Variants in COX7A2L observed in about 807,000 individuals in gnomAD.
The protein encoded by COX7A2L is cytochrome c oxidase subunit 7A2-like, mitochondrial.
A neutral mutation model predicts 14.2 loss-of-function variants in COX7A2L; 18 were observed. The ratio of observed to expected loss-of-function variants is 1.27; its 90% CI spans 0.88 to 1.88. The LOEUF is 1.88. Ranked by LOEUF, COX7A2L falls within the 40% of genes most tolerant of loss-of-function variation. COX7A2L has a pLI of 0.00. For synonymous variants in COX7A2L, 65 were observed against 57.4 expected, an observed-to-expected ratio of 1.13 and a Z score of -0.60; for missense variants, 179 against 138.8, an observed-to-expected ratio of 1.29 and a Z score of -1.46.
intron 1 of COX7A2L, among the ~76,000 whole-genome samples, chr2:42,355,681 T>C (rs929625747): frequency 2.7e-5 from 4 of 150,816 alleles, no homozygotes; most frequent in African/African-American, 9.7e-5. Flanking sequence ...TATTCAGGTT[T>C]AATAATTTAA....
chr2:42,363,025 C>A (rs922145874), upstream of COX7A2L, among the ~76,000 whole-genome samples: 1 of 151,962 alleles, frequency 6.6e-6, no homozygotes, highest in African/African-American at 2.4e-5. Context: ...CAGATGCGCG[C>A]CACCACGCCT....
At chr2:42,367,275 A>T (rs1303204659) in intron 1 of COX7A2L, among the ~76,000 whole-genome samples, 1 of 152,174 alleles carries the variant, frequency 6.6e-6, no homozygotes, top group Admixed American at 6.5e-5. Context: ...TGAATAAGTT[A>T]CTTCCCCACT....
At chr2:42,348,775 G>A (rs1360817265), downstream of COX7A2L, among the ~76,000 whole-genome samples, 1 of 152,044 alleles carries the variant, frequency 6.6e-6, no homozygotes, top group Non-Finnish European at 1.5e-5. Context: ...ACAATTAGCT[G>A]GGCATGGTGG....
At chr2:42,360,959 G>T in intron 1 of COX7A2L, 131 bp downstream of exon 1, 3 of 880,352 alleles carry the variant, frequency 3.4e-6, no homozygotes, top group South Asian at 2.8e-5. Flanking sequence ...GAGGCCCCGG[G>T]AGGTGCAAGG....
intron 1 of COX7A2L, chr2:42,359,105 C>T (rs563331973): frequency 6.6e-6 from 1 of 152,324 alleles, no homozygotes; most frequent in African/African-American, 2.4e-5. Flanking sequence ...CACGGACTAA[C>T]CTCAAAAATA....
chr2:42,337,549 C>A (rs561225808), intron 2 of COX7A2L, among the ~76,000 whole-genome samples: 6 of 152,206 alleles, frequency 3.9e-5, no homozygotes, highest in African/African-American at 1.4e-4. Flanking sequence ...TGAATCTACA[C>A]GTGGGGTCAA....
At chr2:42,344,794 T>C (rs556670870), downstream of COX7A2L, among the ~76,000 whole-genome samples, 2 of 150,516 alleles carry the variant, frequency 1.3e-5, no homozygotes, top group South Asian at 4.2e-4. Context: ...GAGCTTGCAG[T>C]GAGCTGAGAT....
rs1301219605 is a variant in COX7A2L at position 42,361,177 on chromosome 2, G to C, written c.-16C>G. ...TGTAGTACATGACGCCCAGAGTCCG[G>C]CTTCCCGCATCCGCTGCCAACGCGA... On this transcript the variant is annotated 5_prime_UTR_variant, in exon 1 of 3. Transcript: ENST00000234301. 1.9e-6 allele frequency: 3 copies of C among 1,598,634 alleles called. No individual in the cohort carries two copies. Among genetic ancestry groups the C allele is most frequent in the Non-Finnish European group, 2.6e-6 (3 of 1,170,816 alleles).
At position 42,338,947 on chromosome 2, in the gene COX7A2L, C is replaced by T. The variant is rs2103872484; in HGVS notation, c.193-5078G>A. On this transcript the variant is annotated intron_variant, in intron 2 of 2. Coordinates refer to the COX7A2L transcript ENST00000468711. This position sits in a 1 kb window ranked among gnomAD's most constrained non-coding sequence, Gnocchi z 4.4. The stretch of plus-strand genomic sequence containing the variant: ...AGCACATAAGAGAACGAGAGATTAG[C>T]TGTCCCTGCATCAGAGCGCCAGGAA... 6.6e-6 allele frequency among the ~76,000 whole-genome samples: 1 copy of T among 152,314 alleles called. No individual in the cohort carries two copies. Among genetic ancestry groups the T allele is most frequent in the Non-Finnish European group, 1.5e-5 (1 of 68,020 alleles).
downstream of COX7A2L, among the ~76,000 whole-genome samples, chr2:42,345,286 G>A (rs965379925): frequency 6.6e-6 from 1 of 152,088 alleles, no homozygotes; most frequent in Non-Finnish European, 1.5e-5. Context: ...AGGAGGCTGA[G>A]GCAGGATAAT....
intron 2 of COX7A2L, among the ~76,000 whole-genome samples, chr2:42,341,135 C>T (rs923692018): frequency 5.9e-5 from 9 of 152,142 alleles, no homozygotes; most frequent in African/African-American, 1.7e-4. Context: ...GGGTGAGTCC[C>T]ACAGGGGGAC....
At chr2:42,366,815 TC>T (rs35420504) in intron 1 of COX7A2L, among the ~76,000 whole-genome samples, 1 of 152,148 alleles carries the variant, frequency 6.6e-6, no homozygotes, top group Non-Finnish European at 1.5e-5. Flanking sequence ...CCAGCCCCCT[TC>T]CCTTTCTCTC....
At chr2:42,362,386 G>A (rs762784649), upstream of COX7A2L, among the ~76,000 whole-genome samples, 4 of 152,146 alleles carry the variant, frequency 2.6e-5, no homozygotes, top group Non-Finnish European at 4.4e-5. Flanking sequence ...GCAAATTGAT[G>A]GATGATACTA....
intron 2 of COX7A2L, among the ~76,000 whole-genome samples, chr2:42,352,591 T>C (rs1670682720): frequency 6.6e-6 from 1 of 152,178 alleles, no homozygotes; most frequent in Non-Finnish European, 1.5e-5. Flanking sequence ...TGGGTCTGGA[T>C]CTGGACTACT....
At chr2:42,337,477 C>T (rs543430582) in intron 2 of COX7A2L, among the ~76,000 whole-genome samples, 3 of 152,134 alleles carry the variant, frequency 2.0e-5, no homozygotes, top group South Asian at 2.1e-4. Context: ...GGGGAGGCAA[C>T]TACAAAGGGG....
chr2:42,358,541 T>C (rs529345242), intron 1 of COX7A2L, among the ~76,000 whole-genome samples: 6 of 152,326 alleles, frequency 3.9e-5, no homozygotes, highest in Admixed American at 3.3e-4. Flanking sequence ...GAGCACCTAG[T>C]TGGGAGGGCA....
downstream of COX7A2L, among the ~76,000 whole-genome samples, chr2:42,344,904 T>A (rs1222911282): frequency 6.6e-6 from 1 of 151,936 alleles, no homozygotes; most frequent in African/African-American, 2.4e-5. Context: ...CCGGTTTCCA[T>A]GGATAAATCT....
At chr2:42,347,053 A>G (rs1462850115), downstream of COX7A2L, among the ~76,000 whole-genome samples, 1 of 152,098 alleles carries the variant, frequency 6.6e-6, no homozygotes, top group Non-Finnish European at 1.5e-5. Flanking sequence ...TTTTGTAGAG[A>G]CAAGGTTTCA....
chr2:42,347,638 T>A (rs1013760729), downstream of COX7A2L, among the ~76,000 whole-genome samples: 3 of 152,082 alleles, frequency 2.0e-5, no homozygotes, highest in African/African-American at 4.8e-5. Flanking sequence ...AGAAAATGCG[T>A]TGGCCGGGCG....
Sources: allele counts gnomAD v4.1 joint callset (sites outside exome capture counted in the v4.1 genomes callset), GRCh38; gene constraint gnomAD v4.1.1; non-coding constraint Gnocchi (gnomAD v3.1); transcripts MANE v1.5; gene names NCBI Gene and HGNC (gene_info 2026-07-23, HGNC 2026-07-21).